Variants in MYO1D observed in about 807,000 individuals in gnomAD.
The protein encoded by MYO1D is myosin ID.
MYO1D carries 83 observed loss-of-function variants against 122.0 expected under a neutral mutation model. The ratio of observed to expected loss-of-function variants is 0.68; its 90% confidence interval spans 0.57 to 0.82. The LOEUF is 0.82. Among genes scored for constraint, MYO1D ranks in the 40% least tolerant of loss-of-function variants. The pLI is 0.00. For synonymous variants in MYO1D, 464 were observed against 446.9 expected, an observed-to-expected ratio of 1.04 and a Z score of -0.48; for missense variants, 1,157 against 1,269.5, an observed-to-expected ratio of 0.91 and a Z score of 1.35.
intron 15 of MYO1D, among the ~76,000 whole-genome samples, chr17:32,717,103 G>A (rs1291349459): frequency 6.6e-6 from 1 of 152,198 alleles, no homozygotes; most frequent in Non-Finnish European, 1.5e-5. Context: ...ATCACTGGAT[G>A]AGCCACATAA....
intron 1 of MYO1D, among the ~76,000 whole-genome samples, chr17:32,820,728 T>C (rs1182942924): frequency 6.6e-6 from 1 of 152,214 alleles, no homozygotes; most frequent in Non-Finnish European, 1.5e-5. Context: ...ATTCTCACCA[T>C]AAACACACAA....
intron 21 of MYO1D, among the ~76,000 whole-genome samples, chr17:32,516,983 G>T (rs1256194763): frequency 6.6e-6 from 1 of 152,150 alleles, no homozygotes; most frequent in Non-Finnish European, 1.5e-5. Context: ...CAACAAATTA[G>T]CGTGGGTGCA....
intron 21 of MYO1D, among the ~76,000 whole-genome samples, chr17:32,524,995 A>T (rs749150922): frequency 3.9e-5 from 6 of 152,202 alleles, no homozygotes; most frequent in African/African-American, 2.4e-5. Context: ...GAGCCACCAC[A>T]CCTAGCCTAC....
chr17:32,551,608 T>C (rs540157688), intron 21 of MYO1D, among the ~76,000 whole-genome samples: 83 of 152,264 alleles, frequency 5.5e-4, no homozygotes, highest in African/African-American at 1.8e-3. Flanking sequence ...CTTTGGAATG[T>C]ATGTGGCTTT....
chr17:32,543,098 C>T (rs7217167), intron 21 of MYO1D, among the ~76,000 whole-genome samples: 49,163 of 150,392 alleles, frequency 0.33, 8,315 homozygotes, highest in African/African-American at 0.4. Flanking sequence ...TGGTGGCGGG[C>T]GCCTGTAGTC....
At chr17:32,549,752 A>T (rs2086994669) in intron 21 of MYO1D, among the ~76,000 whole-genome samples, 1 of 152,210 alleles carries the variant, frequency 6.6e-6, no homozygotes, top group Non-Finnish European at 1.5e-5. Flanking sequence ...CTTCAATCCC[A>T]GAGCCTCATT....
intron 19 of MYO1D, among the ~76,000 whole-genome samples, chr17:32,650,841 T>C (rs1292762699): frequency 6.6e-6 from 1 of 152,234 alleles, no homozygotes; most frequent in African/African-American, 2.4e-5. Context: ...TTTAATGACC[T>C]TGTCTGTTAA....
At chr17:32,599,844 G>T (rs1007940715) in intron 21 of MYO1D, among the ~76,000 whole-genome samples, 6 of 152,116 alleles carry the variant, frequency 3.9e-5, no homozygotes, top group Admixed American at 3.9e-4. Flanking sequence ...GTAGAGACAG[G>T]GTTTCACCAT....
chr17:32,783,570 A>G (rs2090262042), intron 1 of MYO1D, among the ~76,000 whole-genome samples: 1 of 152,222 alleles, frequency 6.6e-6, no homozygotes, highest in Admixed American at 6.5e-5. Flanking sequence ...GATAGTGGCA[A>G]ATATTAACAG....
intron 1 of MYO1D, among the ~76,000 whole-genome samples, chr17:32,834,462 C>G (rs1255388795): frequency 6.6e-6 from 1 of 152,184 alleles, no homozygotes; most frequent in Non-Finnish European, 1.5e-5. Flanking sequence ...GAATTATCCT[C>G]AATTCTTTCT....
At chr17:32,728,060 A>G (rs2089596309) in intron 14 of MYO1D, among the ~76,000 whole-genome samples, 1 of 152,226 alleles carries the variant, frequency 6.6e-6, no homozygotes, top group African/African-American at 2.4e-5. Flanking sequence ...CAAAGGTACA[A>G]TAAGGACAAG....
intron 14 of MYO1D, 64 bp from the exon 15 acceptor site, chr17:32,721,253 A>C: frequency 8.2e-6 from 12 of 1,456,472 alleles, no homozygotes; most frequent in Non-Finnish European, 1.1e-5. Context: ...AGGGACACTA[A>C]CATGTAATTA....
chr17:32,648,313 G>A (rs1054963889), intron 19 of MYO1D, among the ~76,000 whole-genome samples: 4 of 152,154 alleles, frequency 2.6e-5, no homozygotes, highest in Admixed American at 6.5e-5. Context: ...GATATAATAA[G>A]AAATACATAT....
chr17:32,508,325 A>G (rs1909570773), intron 21 of MYO1D, among the ~76,000 whole-genome samples: 1 of 151,796 alleles, frequency 6.6e-6, no homozygotes, highest in South Asian at 2.1e-4. Flanking sequence ...CCCAGGCTGG[A>G]GTACAGTGGT....
At chr17:32,747,876 G>A (rs796903180) in intron 12 of MYO1D, among the ~76,000 whole-genome samples, 10 of 151,950 alleles carry the variant, frequency 6.6e-5, no homozygotes, top group African/African-American at 2.2e-4. Flanking sequence ...CAAAGGGACA[G>A]TTAACACAGA....
At chr17:32,710,678 A>C (rs1014019056) in intron 16 of MYO1D, among the ~76,000 whole-genome samples, 2 of 152,234 alleles carry the variant, frequency 1.3e-5, no homozygotes, top group Non-Finnish European at 2.9e-5. Context: ...AATATATAAC[A>C]TCTAAAGTAA....
At chr17:32,683,749 A>C (rs1598005362) in intron 16 of MYO1D, among the ~76,000 whole-genome samples, 1 of 152,170 alleles carries the variant, frequency 6.6e-6, no homozygotes, top group Admixed American at 6.5e-5. Flanking sequence ...AGTGGCAGGC[A>C]GGCCTCCTTG....
chr17:32,673,585 C>T (rs560238248), intron 16 of MYO1D, among the ~76,000 whole-genome samples: 177 of 152,212 alleles, frequency 1.2e-3, no homozygotes, highest in African/African-American at 4.0e-3. Flanking sequence ...AACAAGGCTT[C>T]GGAAAAATGT....
At chr17:32,545,630 T>G (rs1339188456) in intron 21 of MYO1D, among the ~76,000 whole-genome samples, 5 of 152,344 alleles carry the variant, frequency 3.3e-5, no homozygotes, top group South Asian at 4.1e-4. Context: ...AGCCATATGG[T>G]AGACTTTAAT....
Sources: allele counts gnomAD v4.1 joint callset (sites outside exome capture counted in the v4.1 genomes callset), GRCh38; gene constraint gnomAD v4.1.1; transcripts MANE v1.5; gene names NCBI Gene and HGNC (gene_info 2026-07-23, HGNC 2026-07-21).